Variants in TMCO5A observed in about 807,000 individuals in gnomAD.
TMCO5A encodes the protein transmembrane and coiled-coil domains 5A, also known as transmembrane and coiled-coil domain-containing protein 5A.
In TMCO5A, 34 loss-of-function variants were observed where a neutral mutation model predicts 42.3. The ratio of observed to expected loss-of-function variants is 0.80; its 90% CI spans 0.61 to 1.07. TMCO5A has a LOEUF of 1.07. Ranked by LOEUF, TMCO5A falls within the 50% of genes least tolerant of loss-of-function variation. The pLI is 0.00. For missense variants in TMCO5A, 357 were observed against 327.9 expected, an observed-to-expected ratio of 1.09 and a Z score of -0.69; for synonymous variants, 131 against 115.6, an observed-to-expected ratio of 1.13 and a Z score of -0.86.
chr15:37,960,480 G>T (rs1890395200), intron 11 of TMCO5A, among the ~76,000 whole-genome samples: 1 of 152,074 alleles, frequency 6.6e-6, no homozygotes, highest in Non-Finnish European at 1.5e-5. Flanking sequence ...TGCAAATTGT[G>T]CTGCTATAAA....
At chr15:37,936,536 T>A (rs1889518773) in intron 3 of TMCO5A, 73 bp downstream of exon 3, 1 of 1,530,504 alleles carries the variant, frequency 6.5e-7, no homozygotes, top group Non-Finnish European at 8.8e-7. Context: ...AAAACTGAAT[T>A]TTCCTGCTTG....
chr15:37,958,242 G>C (rs148607602), intron 11 of TMCO5A, among the ~76,000 whole-genome samples: 1 of 152,084 alleles, frequency 6.6e-6, no homozygotes, highest in Non-Finnish European at 1.5e-5. Context: ...AGGTAAATGG[G>C]ATATATTTAA....
Position 37,951,161 on chromosome 15 carries a change from G to T in TMCO5A, c.794G>T (p.Ser265Ile), listed in dbSNP as rs1460125556. The T allele has an allele frequency of 1.2e-6, 2 of 1,613,816 alleles. No individual in the cohort carries two copies. Among genetic ancestry groups the T allele is most frequent in the Middle Eastern group, 1.7e-4 (1 of 6,030 alleles). ...VNVLPKVLGRSTLWKLRCFFF... is the reference protein window; with the variant it reads ...VNVLPKVLGRITLWKLRCFFF... The stretch of plus-strand genomic sequence containing the variant: ...GTACTGCCCAAGGTACTGGGCAGGA[G>T]CACCTTGTGGAAGCTCAGATGCTTC... The change falls in exon 12 of 12, where the codon AGC becomes ATC. Residue 265 changes from serine to isoleucine, a missense_variant. Ser to Ile is a moderately radical substitution (Grantham distance 142). Transcript: ENST00000319669.
Position 37,941,260 on chromosome 15 carries a change from G to GGT in TMCO5A, c.444+56_444+57dup, listed in dbSNP as rs1396767196. ...CCCCAAAAAGGGAAATGTGATCTTT[G>GGT]GTCAGGCAATCTATTTCTCAAGTGA... On this transcript the variant is annotated intron_variant, in intron 7 of 11. Coordinates refer to ENST00000319669, the MANE Select transcript of TMCO5A (RefSeq NM_152453.4). 2.6e-6 allele frequency: 4 copies of GGT among 1,537,544 alleles called. No individual in the cohort carries two copies. In the African/African-American group the frequency reaches 5.5e-5, roughly 21 times the overall value.
At chr15:37,952,359 C>G (rs74736205), downstream of TMCO5A, among the ~76,000 whole-genome samples, 8 of 151,944 alleles carry the variant, frequency 5.3e-5, no homozygotes, top group African/African-American at 1.9e-4. Flanking sequence ...AAGACTTTGT[C>G]TTGCATCTTG....
chr15:37,982,830 G>GTA, the TMCO5A span, among the ~76,000 whole-genome samples: 49 of 147,638 alleles, frequency 3.3e-4, no homozygotes, highest in East Asian at 8.4e-3. Context: ...ATATGTGTGT[G>GTA]TATATATATA....
At chr15:38,015,844 A>T in the TMCO5A span, among the ~76,000 whole-genome samples, 1 of 152,250 alleles carries the variant, frequency 6.6e-6, no homozygotes, top group African/African-American at 2.4e-5. Flanking sequence ...ACTATATGAC[A>T]TTCTAGAAAA....
At chr15:37,995,788 A>G in the TMCO5A span, among the ~76,000 whole-genome samples, 35,563 of 151,550 alleles carry the variant, frequency 0.23, 9,820 homozygotes, top group African/African-American at 0.67. Context: ...TAGATGAGAA[A>G]ATAACAAAAT....
the TMCO5A span, among the ~76,000 whole-genome samples, chr15:37,994,082 A>C: frequency 6.6e-6 from 1 of 152,224 alleles, no homozygotes; most frequent in Non-Finnish European, 1.5e-5. Flanking sequence ...ACTCAAAAAA[A>C]GAATTTAAAC....
the TMCO5A span, among the ~76,000 whole-genome samples, chr15:37,976,184 G>T: frequency 1.3e-5 from 2 of 151,748 alleles, no homozygotes; most frequent in Non-Finnish European, 2.9e-5. Flanking sequence ...GGTGGAAGTT[G>T]CAGTGAGCTG....
chr15:38,030,439 T>C, the TMCO5A span, among the ~76,000 whole-genome samples: 1 of 152,308 alleles, frequency 6.6e-6, no homozygotes, highest in Middle Eastern at 3.4e-3. Context: ...GTTTGAGCCA[T>C]TATCAGTTCA....
chr15:37,955,028 AAAG>A (rs200931732), downstream of TMCO5A, among the ~76,000 whole-genome samples: 2,619 of 152,076 alleles, frequency 0.017, 34 homozygotes, highest in South Asian at 0.045. Context: ...GGAAGAAAAG[AAAG>A]AAGGAAGAGA....
At chr15:37,936,796 T>A (rs1482708366) in intron 3 of TMCO5A, 51 bp from the exon 4 acceptor site, 1 of 1,605,682 alleles carries the variant, frequency 6.2e-7, no homozygotes, top group Admixed American at 1.7e-5. Context: ...GTTTTATCAG[T>A]TCTGAAACTG....
chr15:37,943,789 C>G (rs888266882), intron 10 of TMCO5A: 4 of 173,054 alleles, frequency 2.3e-5, no homozygotes, highest in African/African-American at 9.5e-5. Context: ...CCTAATCTCT[C>G]ACAACACAGA....
chr15:37,947,535 T>C (rs1486763541), intron 10 of TMCO5A, 121 bp from the exon 11 acceptor site: 4 of 680,632 alleles, frequency 5.9e-6, no homozygotes, highest in Non-Finnish European at 1.0e-5. Flanking sequence ...TGCTTATGCA[T>C]ATAAAAAGAA....
intron 7 of TMCO5A, 45 bp from the exon 8 acceptor site, chr15:37,941,626 A>G (rs746264809): frequency 7.2e-7 from 1 of 1,394,762 alleles, no homozygotes; most frequent in Non-Finnish European, 1.0e-6. Flanking sequence ...GTGTTCTTAT[A>G]GCAATTTACC....
chr15:37,966,824 A>T (rs180745345), exon 12 of TMCO5A: 2 of 639,942 alleles, frequency 3.1e-6, no homozygotes, highest in African/African-American at 3.6e-5. Flanking sequence ...GAGTACTCTG[A>T]TTGGTCAAGC....
At chr15:38,027,680 CAAA>C in the TMCO5A span, among the ~76,000 whole-genome samples, 1 of 152,084 alleles carries the variant, frequency 6.6e-6, no homozygotes, top group Non-Finnish European at 1.5e-5. Flanking sequence ...TCTCCCCACC[CAAA>C]TCTCACCTTG....
chr15:37,937,229 G>A (rs766078599), intron 4 of TMCO5A, 117 bp from the exon 5 acceptor site: 5 of 1,245,562 alleles, frequency 4.0e-6, no homozygotes, highest in Middle Eastern at 1.9e-4. Flanking sequence ...ATGACATTAT[G>A]CAAATAAGGT....
Sources: allele counts gnomAD v4.1 joint callset (sites outside exome capture counted in the v4.1 genomes callset), GRCh38; gene constraint gnomAD v4.1.1; transcripts MANE v1.5; gene names NCBI Gene and HGNC (gene_info 2026-07-23, HGNC 2026-07-21).